SNX18: variants seen among roughly 807,000 people sequenced by gnomAD.
SNX18 encodes sorting nexin 18.
SNX18 carries 35 observed loss-of-function variants against 48.7 expected under a neutral mutation model. The ratio of observed to expected loss-of-function variants is 0.72; its 90% confidence interval spans 0.55 to 0.95. The LOEUF is 0.95. Ranked by LOEUF, SNX18 falls within the 40% of genes least tolerant of loss-of-function variation. The pLI is 0.00. For synonymous variants in SNX18, 492 were observed against 384.7 expected (o/e 1.28, Z -3.26); for missense variants, 824 against 871.0 (o/e 0.95, Z 0.68).
chr5:54,565,222 A>C, the SNX18 span, among the ~76,000 whole-genome samples: 2 of 152,330 alleles, frequency 1.3e-5, no homozygotes, highest in East Asian at 3.9e-4. Flanking sequence ...TCCTGGAATT[A>C]GGACGTGGGA....
Position 54,518,269 on chromosome 5 carries a change from C to T in SNX18, c.317C>T (p.Ala106Val). 1.4e-6 allele frequency: 2 copies of T among 1,478,748 alleles called. No individual in the cohort carries two copies. The highest frequency in any genetic ancestry group is 1.3e-5 in the South Asian group (1 of 75,922). 91.6% of individuals were successfully genotyped at this position (1,478,748 alleles called of 1,614,324 possible). A position where few individuals can be genotyped will look rare whatever the true frequency, so the allele number is the denominator to read the frequency against. ...AAGCCGCCGCCTGACGCCTTCCAGG[C>T]GCTGCTGCAGCCACAGCAGGCGCCG... ...SFKPPPDAFQ[A>V]LLQPQQAPPP... The change falls in exon 1 of 2, where the codon GCG becomes GTG. Residue 106 changes from alanine to valine, a missense_variant. This residue lies in a region of SNX18 where 377 missense variants were observed against 350.6 expected (regional missense o/e 1.08). Transcript: ENST00000381410.
Position 54,544,132 on chromosome 5 carries a change from A to G in SNX18, c.*700A>G, listed in dbSNP as rs905061071. 9 of 152,174 alleles carry G rather than the reference A, an allele frequency of 5.9e-5. No homozygotes were observed. The highest frequency in any genetic ancestry group is 1.7e-4 in the African/African-American group (7 of 41,412). 9.4% of individuals were successfully genotyped at this position (152,174 alleles called of 1,614,324 possible). On this transcript the variant is annotated 3_prime_UTR_variant, in exon 2 of 2. Transcript: ENST00000381410. ...TGGTGAATGCAGGGGAGTGAGATTCATTGCTCATCTTTGGATATGAAGTCT... is the reference window on the plus strand; with the variant it reads ...TGGTGAATGCAGGGGAGTGAGATTCGTTGCTCATCTTTGGATATGAAGTCT...
chr5:54,564,422 T>A, the SNX18 span, among the ~76,000 whole-genome samples: 1 of 152,220 alleles, frequency 6.6e-6, no homozygotes, highest in African/African-American at 2.4e-5. Context: ...CATAAATGAC[T>A]ACTTCTTTGA....
the SNX18 span, chr5:54,645,685 C>A: frequency 6.6e-6 from 1 of 152,196 alleles, no homozygotes; most frequent in Non-Finnish European, 1.5e-5. Context: ...AATGTGGGCT[C>A]CTTGGCTCCA....
chr5:54,528,715 G>A (rs1185513770), intron 1 of SNX18, among the ~76,000 whole-genome samples: 1 of 152,202 alleles, frequency 6.6e-6, no homozygotes, highest in Non-Finnish European at 1.5e-5. Context: ...ACAGAAGGAG[G>A]AGTAATTATG....
At chr5:54,609,801 G>A in the SNX18 span, among the ~76,000 whole-genome samples, 5,586 of 152,240 alleles carry the variant, frequency 0.037, 364 homozygotes, top group African/African-American at 0.13. Flanking sequence ...ATATTGAAAT[G>A]TAATCCCCCA....
the SNX18 span, among the ~76,000 whole-genome samples, chr5:54,572,774 ATTTTTTTTTTTTTTTT>A: frequency 5.2e-5 from 2 of 38,406 alleles, no homozygotes; most frequent in African/African-American, 2.0e-4. Context: ...ATATATATAT[ATTTTTTTTTTTTTTTT>A]TTTTTTTTTT....
the SNX18 span, among the ~76,000 whole-genome samples, chr5:54,600,283 G>A: frequency 2.6e-4 from 40 of 152,126 alleles, no homozygotes; most frequent in South Asian, 6.2e-4. Flanking sequence ...ATGAGATACC[G>A]TCTCATGCCA....
At chr5:54,628,899 C>T in the SNX18 span, among the ~76,000 whole-genome samples, 7 of 152,316 alleles carry the variant, frequency 4.6e-5, no homozygotes, top group South Asian at 1.5e-3. Flanking sequence ...TCCTGTGTCT[C>T]CCCCTCGAGA....
chr5:54,519,663 G>A (rs765164796), intron 1 of SNX18, 90 bp downstream of exon 1: 5 of 1,614,220 alleles, frequency 3.1e-6, no homozygotes, highest in Non-Finnish European at 4.2e-6. Context: ...GTGGGTTTCA[G>A]AATCATATTC....
chr5:54,543,117 A>T, intron 1 of SNX18, 62 bp from the exon 2 acceptor site: 1 of 1,495,208 alleles, frequency 6.7e-7, no homozygotes, highest in Non-Finnish European at 9.1e-7. Context: ...TTTAATATGT[A>T]GTTATGTTCT....
At chr5:54,636,080 G>C in the SNX18 span, among the ~76,000 whole-genome samples, 1 of 152,118 alleles carries the variant, frequency 6.6e-6, no homozygotes, top group South Asian at 2.1e-4. Context: ...TTAGGAGAAA[G>C]GCTTAGCTGG....
the SNX18 span, among the ~76,000 whole-genome samples, chr5:54,612,541 G>A: frequency 1.3e-5 from 2 of 152,134 alleles, no homozygotes; most frequent in Admixed American, 6.6e-5. Flanking sequence ...GGGATTACAG[G>A]CGTGAGCCAC....
the SNX18 span, among the ~76,000 whole-genome samples, chr5:54,616,677 G>A: frequency 3.3e-5 from 5 of 152,016 alleles, no homozygotes; most frequent in African/African-American, 9.7e-5. Context: ...GCTGAGGCAC[G>A]AGAATCTCTT....
chr5:54,589,356 A>G, the SNX18 span, among the ~76,000 whole-genome samples: 2 of 152,036 alleles, frequency 1.3e-5, no homozygotes, highest in Admixed American at 1.3e-4. Flanking sequence ...TGAAGGAGCT[A>G]TATTTGCTTG....
chr5:54,644,298 G>A, the SNX18 span: 141,482 of 152,340 alleles, frequency 0.93, 65,764 homozygotes, highest in Non-Finnish European at 0.93. Flanking sequence ...GCTTTAGTCA[G>A]TAAGTACAGT....
At chr5:54,520,122 G>T (rs970510980) in intron 1 of SNX18, 2 of 345,906 alleles carry the variant, frequency 5.8e-6, no homozygotes, top group Non-Finnish European at 1.1e-5. Context: ...CAACCTTTAC[G>T]AAGTGAAGTA....
the SNX18 span, among the ~76,000 whole-genome samples, chr5:54,583,400 T>C: frequency 1.3e-5 from 2 of 152,220 alleles, no homozygotes. Flanking sequence ...CTCTGGGTCT[T>C]CCCTTCACTA....
At chr5:54,530,908 C>T (rs532598146) in intron 1 of SNX18, among the ~76,000 whole-genome samples, 1 of 151,796 alleles carries the variant, frequency 6.6e-6, no homozygotes, top group Non-Finnish European at 1.5e-5. Context: ...CCCGCCACCA[C>T]ACCCAGCTAA....
Sources: gnomAD v4.1 joint callset for allele counts (sites outside exome capture counted in the v4.1 genomes callset) on GRCh38, gnomAD v4.1.1 for gene constraint, gnomAD v4.1.1 regional missense constraint, MANE v1.5 for transcripts, NCBI Gene and HGNC (gene_info 2026-07-23, HGNC 2026-07-21) for gene names.